The following KAZN variants were observed in gnomAD, a reference collection of about 807,000 sequenced individuals.
The protein encoded by KAZN is kazrin, periplakin interacting protein.
KAZN carries 40 observed loss-of-function variants against 87.4 expected under a neutral mutation model. That is an observed-to-expected ratio of 0.46 (90% CI 0.36 to 0.60). The LOEUF is 0.60. Among genes scored for constraint, KAZN ranks in the 20% least tolerant of loss-of-function variants. KAZN has a pLI of 0.00. For missense variants in KAZN, 898 were observed against 1,073.9 expected, an observed-to-expected ratio of 0.84 and a Z score of 2.29; for synonymous variants, 466 against 458.3, an observed-to-expected ratio of 1.02 and a Z score of -0.22.
At chr1:14,325,938 G>A (rs1571308521) in intron 2 of KAZN, among the ~76,000 whole-genome samples, 1 of 151,974 alleles carries the variant, frequency 6.6e-6, no homozygotes, top group African/African-American at 2.4e-5. Flanking sequence ...TTAGTGGCGG[G>A]ATCCCTGGGA....
intron 1 of KAZN, among the ~76,000 whole-genome samples, chr1:14,781,490 G>A (rs1039295261): frequency 3.3e-5 from 5 of 152,134 alleles, no homozygotes; most frequent in African/African-American, 9.7e-5. Flanking sequence ...CTAAACATGC[G>A]TGCTCGAGCA....
intron 1 of KAZN, chr1:14,924,656 G>C (rs1363162196): frequency 2.2e-5 from 18 of 802,052 alleles, no homozygotes; most frequent in Non-Finnish European, 2.6e-5. Flanking sequence ...AGGGCGCTCG[G>C]AGCCGGGATC....
At position 13,917,487 on chromosome 1, in the gene KAZN, A is replaced by G. The variant is rs569622013; in HGVS notation, c.91+23731A>G. On this transcript the variant is annotated intron_variant, in intron 1 of 16. Transcript: ENST00000636203. ...GCTCATTTACCATTTTGAAAATCTT[A>G]GGGCCCTTAAGAATTATACTAAATA... Among the ~76,000 whole-genome samples, 31 of 152,218 alleles carry G rather than the reference A, an allele frequency of 2.0e-4. No homozygotes were observed. The South Asian group carries it at 6.0e-3, about 30-fold the overall frequency.
At chr1:14,079,229 G>A (rs2101584256) in intron 1 of KAZN, among the ~76,000 whole-genome samples, 1 of 152,348 alleles carries the variant, frequency 6.6e-6, no homozygotes, top group Middle Eastern at 3.4e-3. Context: ...GAGAGAGCAG[G>A]GAGGTGCCAG....
intron 1 of KAZN, among the ~76,000 whole-genome samples, chr1:14,617,204 G>A (rs970690804): frequency 6.6e-6 from 1 of 152,172 alleles, no homozygotes; most frequent in African/African-American, 2.4e-5. Flanking sequence ...GCATATTTCA[G>A]AGATATTGCA....
chr1:14,545,659 T>C (rs948194829), intron 2 of KAZN, among the ~76,000 whole-genome samples: 1 of 152,132 alleles, frequency 6.6e-6, no homozygotes, highest in African/African-American at 2.4e-5. Flanking sequence ...AGCCGAGATC[T>C]CAGTGGCTTA....
At chr1:14,236,630 C>T (rs1035326823) in intron 2 of KAZN, among the ~76,000 whole-genome samples, 2 of 152,156 alleles carry the variant, frequency 1.3e-5, no homozygotes, top group Non-Finnish European at 2.9e-5. Context: ...TTGCATAAAA[C>T]GTATCGGCCA....
chr1:14,863,751 G>T (rs1651132264), intron 1 of KAZN, among the ~76,000 whole-genome samples: 2 of 152,130 alleles, frequency 1.3e-5, no homozygotes, highest in South Asian at 4.2e-4. Flanking sequence ...TCATTTCAGG[G>T]GAAACTGAAG....
chr1:14,590,053 A>G lies in KAZN; in HGVS notation c.250-8930A>G, dbSNP rs368587731. Among the ~76,000 whole-genome samples the G allele has an allele frequency of 7.2e-5, 11 of 152,186 alleles. No homozygotes were observed. The East Asian group carries it at 2.1e-3, about 29-fold the overall frequency. On this transcript the variant is annotated intron_variant, in intron 2 of 16. Coordinates refer to the KAZN transcript ENST00000636203. ...GAGATGCCTGAGTTTCATCTTATGA[A>G]ACTCAGCTCCTCACCAAATCGAATG...
chr1:14,759,181 A>AGCTC (rs1168605735), intron 1 of KAZN, among the ~76,000 whole-genome samples: 1 of 152,162 alleles, frequency 6.6e-6, no homozygotes, highest in Non-Finnish European at 1.5e-5. Context: ...CCACGGCAGG[A>AGCTC]GCTCGCGTTC....
At chr1:14,515,799 G>C (rs1489941799) in intron 2 of KAZN, among the ~76,000 whole-genome samples, 1 of 151,978 alleles carries the variant, frequency 6.6e-6, no homozygotes, top group Non-Finnish European at 1.5e-5. Flanking sequence ...CAGTCTGCTT[G>C]GTTTTCTTCA....
At chr1:14,370,588 C>T (rs1040757888) in intron 2 of KAZN, among the ~76,000 whole-genome samples, 1 of 152,218 alleles carries the variant, frequency 6.6e-6, no homozygotes, top group African/African-American at 2.4e-5. Flanking sequence ...AAACCTGTTG[C>T]CTCTTTTACA....
chr1:14,073,453 G>A (rs1216546233), intron 1 of KAZN, among the ~76,000 whole-genome samples: 5 of 151,844 alleles, frequency 3.3e-5, no homozygotes, highest in African/African-American at 4.8e-5. Flanking sequence ...CAGAATGTGC[G>A]GGTTTGTTGC....
At chr1:13,937,287 G>T (rs1053024174) in intron 1 of KAZN, among the ~76,000 whole-genome samples, 1 of 152,028 alleles carries the variant, frequency 6.6e-6, no homozygotes, top group Non-Finnish European at 1.5e-5. Flanking sequence ...CTCGTGATCC[G>T]CCTGCCTTGG....
At chr1:14,656,485 C>T (rs1053458782) in intron 1 of KAZN, among the ~76,000 whole-genome samples, 5 of 152,198 alleles carry the variant, frequency 3.3e-5, no homozygotes, top group African/African-American at 1.2e-4. Context: ...GCTCAATCCT[C>T]ATGTCTCACA....
intron 1 of KAZN, among the ~76,000 whole-genome samples, chr1:14,825,416 A>T (rs1479019921): frequency 6.6e-6 from 1 of 152,114 alleles, no homozygotes; most frequent in Non-Finnish European, 1.5e-5. Context: ...TCTAGACTTT[A>T]TTTAAACAAG....
At chr1:15,071,399 G>A (rs780082283) in intron 8 of KAZN, among the ~76,000 whole-genome samples, 11 of 152,024 alleles carry the variant, frequency 7.2e-5, no homozygotes, top group Non-Finnish European at 1.3e-4. Flanking sequence ...CTACAAGCAT[G>A]CATCACCACA....
intron 1 of KAZN, among the ~76,000 whole-genome samples, chr1:14,800,812 A>T (rs1645986850): frequency 1.3e-5 from 2 of 152,324 alleles, no homozygotes; most frequent in South Asian, 4.1e-4. Context: ...TTCATAGGAA[A>T]TGTCCAGATT....
At chr1:14,027,032 G>A (rs1057161150) in intron 1 of KAZN, among the ~76,000 whole-genome samples, 2 of 152,100 alleles carry the variant, frequency 1.3e-5, no homozygotes, top group African/African-American at 2.4e-5. Context: ...AACTAGGATG[G>A]GGCATCTGGG....
Sources: allele counts gnomAD v4.1 joint callset (sites outside exome capture counted in the v4.1 genomes callset), GRCh38; gene constraint gnomAD v4.1.1; transcripts MANE v1.5; gene names NCBI Gene and HGNC (gene_info 2026-07-23, HGNC 2026-07-21).